The following ATG10 variants were observed in gnomAD, a reference collection of about 807,000 sequenced individuals.
ATG10 encodes ubiquitin-like-conjugating enzyme ATG10.
ATG10 carries 30 observed loss-of-function variants against 32.1 expected under a neutral mutation model. That is an observed-to-expected ratio of 0.94 (90% CI 0.70 to 1.27). The LOEUF (loss-of-function observed/expected upper bound fraction) is 1.27. Ranked by LOEUF, ATG10 falls within the 50% of genes most tolerant of loss-of-function variation. The pLI is 0.00. For missense variants in ATG10, 233 were observed against 262.3 expected (o/e 0.89, Z 0.77); for synonymous variants, 87 against 91.5 (o/e 0.95, Z 0.28).
At chr5:81,999,040 A>G (rs947324386) in intron 2 of ATG10, among the ~76,000 whole-genome samples, 3 of 152,056 alleles carry the variant, frequency 2.0e-5, no homozygotes, top group Non-Finnish European at 4.4e-5. Flanking sequence ...ACCAAAAGAC[A>G]TCTACAGAAT....
intron 5 of ATG10, among the ~76,000 whole-genome samples, chr5:82,202,701 C>T (rs917469570): frequency 3.3e-5 from 5 of 152,052 alleles, no homozygotes; most frequent in Admixed American, 6.5e-5. Context: ...CATGTAGTTC[C>T]GTGTGACTAG....
intron 3 of ATG10, among the ~76,000 whole-genome samples, chr5:82,081,958 G>T (rs1247111459): frequency 1.3e-5 from 2 of 152,280 alleles, no homozygotes; most frequent in South Asian, 2.1e-4. Context: ...TGTACCTCTG[G>T]TAGAATTCAG....
At chr5:81,988,447 T>G (rs1761355762) in intron 2 of ATG10, among the ~76,000 whole-genome samples, 1 of 151,658 alleles carries the variant, frequency 6.6e-6, no homozygotes, top group Non-Finnish European at 1.5e-5. Context: ...CCCCAAATTT[T>G]TTTGTCTTTT....
chr5:82,244,726 T>G (rs1746953791), intron 5 of ATG10, among the ~76,000 whole-genome samples: 1 of 152,218 alleles, frequency 6.6e-6, no homozygotes, highest in Admixed American at 6.5e-5. Context: ...CATGTAAGAA[T>G]GAAGGTGCAG....
At chr5:81,996,478 G>T (rs940988194) in intron 2 of ATG10, among the ~76,000 whole-genome samples, 1 of 152,126 alleles carries the variant, frequency 6.6e-6, no homozygotes, top group African/African-American at 2.4e-5. Context: ...GGCCTCAAGC[G>T]ATCCTCCCAC....
At chr5:82,143,250 G>A (rs1767221823) in intron 3 of ATG10, among the ~76,000 whole-genome samples, 1 of 152,252 alleles carries the variant, frequency 6.6e-6, no homozygotes, top group East Asian at 1.9e-4. Flanking sequence ...CCTTCCTTGT[G>A]AGTAAGTGAG....
chr5:82,231,616 C>T (rs1746370825), intron 5 of ATG10, among the ~76,000 whole-genome samples: 1 of 152,034 alleles, frequency 6.6e-6, no homozygotes, highest in South Asian at 2.1e-4. Flanking sequence ...TTTTATAGGG[C>T]AGATCTTTAA....
intron 3 of ATG10, among the ~76,000 whole-genome samples, chr5:82,161,662 A>C (rs1050266816): frequency 3.3e-5 from 5 of 150,708 alleles, no homozygotes; most frequent in Non-Finnish European, 5.9e-5. Context: ...TGGCCTAAGA[A>C]GAGAAATAGC....
At chr5:81,978,702 C>T (rs993623089) in intron 1 of ATG10, among the ~76,000 whole-genome samples, 1 of 151,864 alleles carries the variant, frequency 6.6e-6, no homozygotes, top group African/African-American at 2.4e-5. Flanking sequence ...TTGCTGTCTC[C>T]CAGGCTAAAG....
chr5:82,184,281 A>G (rs1171248797), intron 5 of ATG10, among the ~76,000 whole-genome samples: 2 of 152,250 alleles, frequency 1.3e-5, no homozygotes, highest in Non-Finnish European at 2.9e-5. Context: ...AAATGAATCA[A>G]TATATGTAAA....
chr5:82,202,964 C>A (rs1217313390), intron 5 of ATG10, among the ~76,000 whole-genome samples: 1 of 152,078 alleles, frequency 6.6e-6, no homozygotes, highest in African/African-American at 2.4e-5. Flanking sequence ...TGTGGTGGCT[C>A]ATGCCTGTAA....
intron 5 of ATG10, among the ~76,000 whole-genome samples, chr5:82,246,658 A>G (rs1327218498): frequency 6.6e-6 from 1 of 152,092 alleles, no homozygotes; most frequent in East Asian, 1.9e-4. Flanking sequence ...TATAAACTCA[A>G]CACTAGAGTG....
intron 2 of ATG10, among the ~76,000 whole-genome samples, chr5:82,030,389 C>T (rs1162571955): frequency 6.6e-6 from 1 of 152,180 alleles, no homozygotes; most frequent in African/African-American, 2.4e-5. Flanking sequence ...GGATTAGCCA[C>T]ATTTCAAGTG....
chr5:82,221,808 A>G (rs1283784027), intron 5 of ATG10, among the ~76,000 whole-genome samples: 1 of 152,252 alleles, frequency 6.6e-6, no homozygotes, highest in Non-Finnish European at 1.5e-5. Context: ...AGAGGAATAC[A>G]GAGGAGATAC....
At chr5:82,107,582 T>G (rs371485193) in intron 3 of ATG10, among the ~76,000 whole-genome samples, 15 of 152,242 alleles carry the variant, frequency 9.9e-5, no homozygotes, top group African/African-American at 3.6e-4. Flanking sequence ...ATGAATAATT[T>G]GTTGATTTTA....
intron 3 of ATG10, among the ~76,000 whole-genome samples, chr5:82,123,471 G>A (rs796090823): frequency 4.0e-5 from 6 of 151,138 alleles, no homozygotes; most frequent in African/African-American, 1.5e-4. Flanking sequence ...CGCATGATAT[G>A]AGTTTATCTA....
intron 3 of ATG10, among the ~76,000 whole-genome samples, chr5:82,135,866 A>C (rs1766715283): frequency 6.6e-6 from 1 of 151,860 alleles, no homozygotes; most frequent in Non-Finnish European, 1.5e-5. Flanking sequence ...GTCTCTTTGT[A>C]GGTCTCTAAG....
intron 3 of ATG10, among the ~76,000 whole-genome samples, chr5:82,071,907 G>A (rs1764143908): frequency 6.6e-6 from 1 of 152,218 alleles, no homozygotes; most frequent in East Asian, 1.9e-4. Flanking sequence ...CAGAGAGATA[G>A]AACAAGTCAG....
chr5:81,972,362 C>G (rs1760746826), intron 1 of ATG10, 56 bp downstream of exon 1: 1 of 152,384 alleles, frequency 6.6e-6, no homozygotes, highest in African/African-American at 2.4e-5. Flanking sequence ...GCTTCCCACA[C>G]GGTCCTTGCC....
Sources: allele counts gnomAD v4.1 joint callset (sites outside exome capture counted in the v4.1 genomes callset), GRCh38; gene constraint gnomAD v4.1.1; transcripts MANE v1.5; gene names NCBI Gene and HGNC (gene_info 2026-07-23, HGNC 2026-07-21).